CSMD3: variants seen among roughly 807,000 people sequenced by gnomAD.
CSMD3 encodes CUB and sushi domain-containing protein 3.
A neutral mutation model predicts 435.2 loss-of-function variants in CSMD3; 177 were observed. That is an observed-to-expected ratio of 0.41 (90% CI 0.36 to 0.46). CSMD3 has a LOEUF of 0.46. CSMD3 is among the 20% of genes least tolerant of loss of function. The probability of loss-of-function intolerance (pLI) is 0.34; values close to 1 mark genes in which losing one functional copy is unlikely to be tolerated. For missense variants in CSMD3, 4,265 were observed against 4,504.6 expected, an observed-to-expected ratio of 0.95 and a Z score of 1.52; for synonymous variants, 1,656 against 1,520.5, an observed-to-expected ratio of 1.09 and a Z score of -2.07.
intron 13 of CSMD3, among the ~76,000 whole-genome samples, chr8:112,767,056 T>G (rs1405963512): frequency 6.6e-6 from 1 of 151,858 alleles, no homozygotes; most frequent in African/African-American, 2.4e-5. Flanking sequence ...GAGTAATCAC[T>G]GATAATTGTT....
At position 113,163,848 on chromosome 8, in the gene CSMD3, T is replaced by A. The variant is rs192029118; in HGVS notation, c.709+9874A>T. ...ATGCAGTTCTCCATCTACTTTTCAA[T>A]ACAAAGGCATTGTTTATATGTCAGT... is the stretch of plus-strand genomic sequence containing the variant. On this transcript the variant is annotated intron_variant, in intron 4 of 70. Coordinates refer to ENST00000297405, the MANE Select transcript of CSMD3 (RefSeq NM_198123.2). 3.4e-4 allele frequency among the ~76,000 whole-genome samples: 52 copies of A among 152,146 alleles called. No homozygotes were observed. In the Middle Eastern group the frequency reaches 0.02, roughly 60 times the overall value.
At chr8:112,804,743 C>A (rs1322389562) in intron 12 of CSMD3, among the ~76,000 whole-genome samples, 1 of 151,688 alleles carries the variant, frequency 6.6e-6, no homozygotes, top group Non-Finnish European at 1.5e-5. Flanking sequence ...CGGCTCACTG[C>A]AACCTCCAAC....
chr8:112,740,883 T>C (rs931212142), intron 13 of CSMD3, among the ~76,000 whole-genome samples: 1 of 151,926 alleles, frequency 6.6e-6, no homozygotes, highest in Non-Finnish European at 1.5e-5. Flanking sequence ...TCTGCATGTT[T>C]GGCCATAAGA....
intron 10 of CSMD3, among the ~76,000 whole-genome samples, chr8:112,886,334 G>C (rs891918784): frequency 6.6e-6 from 1 of 151,050 alleles, no homozygotes; most frequent in African/African-American, 2.4e-5. Context: ...CTTTTGAAAT[G>C]TTTCTTCTGT....
At chr8:113,235,065 C>T (rs2093132370) in intron 3 of CSMD3, among the ~76,000 whole-genome samples, 1 of 152,078 alleles carries the variant, frequency 6.6e-6, no homozygotes, top group African/African-American at 2.4e-5. Flanking sequence ...GAGCTGGGGA[C>T]ATTTCCTGCT....
intron 32 of CSMD3, among the ~76,000 whole-genome samples, chr8:112,470,396 A>T (rs868669553): frequency 1.3e-5 from 2 of 152,130 alleles, no homozygotes; most frequent in African/African-American, 4.8e-5. Context: ...GTGACTTACT[A>T]TGTTATTACG....
intron 10 of CSMD3, among the ~76,000 whole-genome samples, chr8:112,920,725 C>T (rs113870356): frequency 0.034 from 5,115 of 151,746 alleles, 147 homozygotes; most frequent in Middle Eastern, 0.051. Flanking sequence ...ACTACAAAGT[C>T]AGATGATTTT....
chr8:112,885,771 C>G lies in CSMD3; in HGVS notation c.1634-26505G>C, dbSNP rs192867181. Among the ~76,000 whole-genome samples, 28 of 151,796 alleles carry G rather than the reference C, an allele frequency of 1.8e-4. 1 individual carries two copies. The highest frequency in any genetic ancestry group is 6.2e-4 in the South Asian group (3 of 4,820). On this transcript the variant is annotated intron_variant, in intron 10 of 70. Coordinates refer to ENST00000297405, the MANE Select transcript of CSMD3 (RefSeq NM_198123.2). ...ATGTCAAGAAAGAGATTGGCATTCT[C>G]AATGTTCCTTTATGGTCATGTGATT...
At position 113,073,547 on chromosome 8, in the gene CSMD3, A is replaced by G. The variant is rs147792556; in HGVS notation, c.917+25209T>C. On this transcript the variant is annotated intron_variant, in intron 5 of 70. Transcript: ENST00000297405. ...GTGGAAAATGGGATAAGAGAATGTAATAAAAACTTGAAGCTCATCCAGCTT... is the reference window on the plus strand; with the variant it reads ...GTGGAAAATGGGATAAGAGAATGTAGTAAAAACTTGAAGCTCATCCAGCTT... Among the ~76,000 whole-genome samples, 871 of 151,948 alleles carry G rather than the reference A, an allele frequency of 5.7e-3. 4 individuals carry two copies. Among genetic ancestry groups the G allele is most frequent in the African/African-American group, 0.019 (785 of 41,540 alleles).
rs187299726 is a variant in CSMD3 at position 112,458,420 on chromosome 8, A to G, written c.5395+14171T>C. 1.2e-3 allele frequency among the ~76,000 whole-genome samples: 185 copies of G among 152,226 alleles called. 1 individual carries two copies. Among genetic ancestry groups the G allele is most frequent in the Middle Eastern group, 0.01 (3 of 294 alleles). On this transcript the variant is annotated intron_variant, in intron 32 of 70. Coordinates refer to ENST00000297405, the MANE Select transcript of CSMD3 (RefSeq NM_198123.2). Reference sequence around the variant, plus strand: ...GGGTAAAGTTGGTTTAGTGAATTCTAAATAAAGAAATGTCTCTAGAGTAGA... The same window carrying G: ...GGGTAAAGTTGGTTTAGTGAATTCTGAATAAAGAAATGTCTCTAGAGTAGA...
chr8:112,370,358 C>T (rs1828272160), intron 38 of CSMD3, among the ~76,000 whole-genome samples: 1 of 152,126 alleles, frequency 6.6e-6, no homozygotes, highest in Non-Finnish European at 1.5e-5. Flanking sequence ...CAATTATTAC[C>T]TAAGCATTAG....
intron 27 of CSMD3, among the ~76,000 whole-genome samples, chr8:112,518,554 G>T (rs960898281): frequency 6.6e-6 from 1 of 151,476 alleles, no homozygotes; most frequent in African/African-American, 2.4e-5. Flanking sequence ...ATGCATCAAA[G>T]AATCTGAGGA....
At chr8:112,606,262 G>T (rs904624979) in intron 22 of CSMD3, among the ~76,000 whole-genome samples, 2 of 152,142 alleles carry the variant, frequency 1.3e-5, no homozygotes, top group Non-Finnish European at 2.9e-5. Flanking sequence ...GGAAAGTAAA[G>T]GCATAGTGAC....
At chr8:113,207,774 A>G (rs556542511) in intron 3 of CSMD3, among the ~76,000 whole-genome samples, 2 of 152,284 alleles carry the variant, frequency 1.3e-5, no homozygotes, top group East Asian at 3.9e-4. Context: ...ATATTTACTG[A>G]ACTTAAGAGT....
intron 13 of CSMD3, among the ~76,000 whole-genome samples, chr8:112,774,206 T>G (rs1587251758): frequency 6.6e-6 from 1 of 152,016 alleles, no homozygotes; most frequent in African/African-American, 2.4e-5. Context: ...CTTGAAATGA[T>G]GCCTTATAAT....
Position 112,289,515 on chromosome 8 carries a change from C to G in CSMD3, c.8998G>C (p.Val3000Leu), listed in dbSNP as rs2193430. The G allele has an allele frequency of 1.6e-3, 2,577 of 1,612,254 alleles. 41 individuals carry two copies. In the African/African-American group the frequency reaches 0.031, roughly 19 times the overall value. Residue 3000 changes from valine (V) to leucine (L), a missense_variant, in exon 57 of 71, where the codon GTT (valine) becomes CTT (leucine). By Grantham distance (32) the Val-to-Leu change is conservative. Coordinates refer to ENST00000297405, the MANE Select transcript of CSMD3 (RefSeq NM_198123.2). ...CIMIDCGHPG[V>L]PPNAVLSGEK... is the part of the protein sequence containing the mutation. ...CCAGACAGGACTGCATTAGGAGGAACGCCAGGGTGTCCACAGTCAATCACT... is the reference window on the plus strand; with the variant it reads ...CCAGACAGGACTGCATTAGGAGGAAGGCCAGGGTGTCCACAGTCAATCACT...
chr8:112,956,095 G>A (rs915410325), intron 7 of CSMD3, among the ~76,000 whole-genome samples: 8 of 151,936 alleles, frequency 5.3e-5, no homozygotes, highest in African/African-American at 1.9e-4. Context: ...GTTGGAGCAG[G>A]ATTTATAAGG....
At chr8:113,295,388 A>G (rs1436386408) in intron 2 of CSMD3, among the ~76,000 whole-genome samples, 1 of 152,194 alleles carries the variant, frequency 6.6e-6, no homozygotes, top group East Asian at 1.9e-4. Context: ...TTTACATATA[A>G]TATGAAGGTG....
At chr8:112,230,364 C>A (rs1036776160) in intron 69 of CSMD3, among the ~76,000 whole-genome samples, 1 of 152,162 alleles carries the variant, frequency 6.6e-6, no homozygotes, top group Non-Finnish European at 1.5e-5. Flanking sequence ...AAGCTAATTT[C>A]TCTTTTTGAC....
Sources: allele counts gnomAD v4.1 joint callset (sites outside exome capture counted in the v4.1 genomes callset), GRCh38; gene constraint gnomAD v4.1.1; transcripts MANE v1.5; gene names NCBI Gene and HGNC (gene_info 2026-07-23, HGNC 2026-07-21).